SUB1: variants seen among roughly 807,000 people sequenced by gnomAD.
SUB1 encodes activated RNA polymerase II transcriptional coactivator p15.
Under a neutral mutation model 16.9 loss-of-function variants are expected in SUB1, and 1 was observed. The ratio of observed to expected loss-of-function variants is 0.06; its 90% CI spans 0.02 to 0.28. The LOEUF is 0.28. Ranked by LOEUF, SUB1 falls within the 10% of genes least tolerant of loss-of-function variation. The probability of loss-of-function intolerance (pLI) is 1.00; values close to 1 mark genes in which losing one functional copy is unlikely to be tolerated. For missense variants in SUB1, 84 were observed against 145.2 expected, an observed-to-expected ratio of 0.58 and a Z score of 2.16; for synonymous variants, 51 against 46.9, an observed-to-expected ratio of 1.09 and a Z score of -0.36.
chr5:32,600,794 G>A (rs191326705), intron 4 of SUB1, among the ~76,000 whole-genome samples: 248 of 152,084 alleles, frequency 1.6e-3, no homozygotes, highest in Admixed American at 4.3e-3. Context: ...AGTAGAGATG[G>A]GGTTTCACCA....
In SUB1 at chr5:32,603,783, A is replaced by T. The variant is rs1321779147; in HGVS notation, c.*2699A>T. ...ACAGGAGATATGTTAGCAGAATACT[A>T]TAAAAGTTTGAAATTTTTAAAAAGT... On this transcript the variant is annotated 3_prime_UTR_variant, in exon 5 of 5. Transcript: ENST00000265073. 2 of 152,238 alleles carry T rather than the reference A, an allele frequency of 1.3e-5. No individual in the cohort carries two copies. Among genetic ancestry groups the T allele is most frequent in the Non-Finnish European group, 2.9e-5 (2 of 68,026 alleles). The allele number at this position is 152,238 out of a possible 1,614,324, so 9.4% of individuals were successfully genotyped here.
intron 3 of SUB1, chr5:32,594,863 T>G (rs1242345950): frequency 5.6e-6 from 1 of 178,564 alleles, no homozygotes. Context: ...TGGTCCCTGG[T>G]GCCAAAAAGG....
intron 2 of SUB1, among the ~76,000 whole-genome samples, chr5:32,588,867 A>G (rs1738743468): frequency 6.6e-6 from 1 of 152,192 alleles, no homozygotes; most frequent in Admixed American, 6.5e-5. Context: ...TTCTGGAGGT[A>G]CGGTTGGTCT....
intron 3 of SUB1, chr5:32,595,994 A>G (rs1052554677): frequency 6.6e-6 from 1 of 151,790 alleles, no homozygotes; most frequent in Non-Finnish European, 1.5e-5. Flanking sequence ...ATGCCAGGTC[A>G]TTTGAGTTGT....
intron 3 of SUB1, chr5:32,594,493 T>C (rs959387708): frequency 2.3e-5 from 9 of 391,744 alleles, no homozygotes; most frequent in African/African-American, 1.9e-4. Flanking sequence ...TTAAAATGAT[T>C]ATAACTGGTC....
At chr5:32,587,887 G>A (rs924956235) in intron 1 of SUB1, among the ~76,000 whole-genome samples, 29 of 152,176 alleles carry the variant, frequency 1.9e-4, no homozygotes, top group Admixed American at 2.6e-4. Flanking sequence ...GGGATTACAG[G>A]CGTGAACCAT....
intron 3 of SUB1, chr5:32,598,462 C>G (rs1388799136): frequency 6.6e-6 from 1 of 152,254 alleles, no homozygotes; most frequent in Admixed American, 6.5e-5. Context: ...GTGTTTTAAG[C>G]AGATACTTGT....
intron 2 of SUB1, among the ~76,000 whole-genome samples, chr5:32,588,851 G>T (rs1016840211): frequency 1.3e-5 from 2 of 152,094 alleles, no homozygotes; most frequent in Admixed American, 6.5e-5. Flanking sequence ...GAATGTGAAT[G>T]GGTATTTCTG....
At chr5:32,591,070 A>G (rs567044350) in intron 2 of SUB1, among the ~76,000 whole-genome samples, 2 of 152,114 alleles carry the variant, frequency 1.3e-5, no homozygotes, top group South Asian at 2.1e-4. Context: ...CGCCCGGCCC[A>G]TAAATTCCTT....
chr5:32,602,310 G>A lies in SUB1; in HGVS notation c.*1226G>A. 2.3e-6 allele frequency: 1 copy of A among 437,334 alleles called. No individual in the cohort carries two copies. Among genetic ancestry groups the A allele is most frequent in the Admixed American group, 2.6e-5 (1 of 38,484 alleles). 27.1% of individuals were successfully genotyped at this position (437,334 alleles called of 1,614,324 possible). On this transcript the variant is annotated 3_prime_UTR_variant, in exon 5 of 5. Transcript: ENST00000265073. ...ATAACTGAAATTAAAGGAGGCGGCA[G>A]TGAAGAGGAAATAATTCTCTTCTAT...
At chr5:32,587,801 GT>G (rs895452654) in intron 1 of SUB1, among the ~76,000 whole-genome samples, 10 of 152,012 alleles carry the variant, frequency 6.6e-5, no homozygotes, top group African/African-American at 2.4e-4. Flanking sequence ...TGGAGATAGG[GT>G]TTCACCATGT....
At position 32,598,975 on chromosome 5, in the gene SUB1, G is replaced by A; in HGVS notation, c.210G>A (p.Arg70=). ...DDNMFQIGKM[R]YVSVRDFKGK... is the part of the protein sequence containing the mutation. The stretch of plus-strand genomic sequence containing the variant: ...TTCTTTTGCAGATTGGGAAAATGAG[G>A]TACGTTAGTGTTCGCGATTTTAAAG... Residue 70 remains arginine, a synonymous_variant, in exon 4 of 5, where the codon AGG becomes AGA. Transcript: ENST00000265073. The A allele has an allele frequency of 6.2e-7, 1 of 1,612,876 alleles. No homozygotes were observed. Among genetic ancestry groups the A allele is most frequent in the South Asian group, 1.1e-5 (1 of 90,992 alleles).
rs187826324 is a variant in SUB1, at chr5:32,602,925, T to A, written c.*1841T>A. The A allele has an allele frequency of 6.6e-6, 1 of 152,168 alleles. No homozygotes were observed. Among genetic ancestry groups the A allele is most frequent in the Non-Finnish European group, 1.5e-5 (1 of 68,018 alleles). 9.4% of individuals were successfully genotyped at this position (152,168 alleles called of 1,614,324 possible). A position where few individuals can be genotyped will look rare whatever the true frequency, so the allele number is the denominator to read the frequency against. Reference sequence around the variant, plus strand: ...TGGATAGATTTTTAAATATTTCTTATTTTTGGCACACGGAAAGGGTAGTTC... The same window carrying A: ...TGGATAGATTTTTAAATATTTCTTAATTTTGGCACACGGAAAGGGTAGTTC... On this transcript the variant is annotated 3_prime_UTR_variant, in exon 5 of 5. Transcript: ENST00000265073.
In SUB1 at chr5:32,591,570, G is replaced by C. The variant is rs371859790; in HGVS notation, c.80G>C (p.Arg27Thr). Residue 27 changes from arginine (R) to threonine (T), a missense_variant, in exon 3 of 5, where the codon AGG (arginine) becomes ACG (threonine). Coordinates refer to ENST00000265073, the MANE Select transcript of SUB1 (RefSeq NM_006713.4). ...AACCATATTCTTTTCTAGTTAAAGA[G>C]GAAAAAGCAAGTTGCTCCAGAAAAA... ...SDSEVDKKLK[R>T]KKQVAPEKPV... 1.0e-5 allele frequency: 16 copies of C among 1,596,942 alleles called. No individual in the cohort carries two copies. The highest frequency in any genetic ancestry group is 1.8e-5 in the Admixed American group (1 of 55,614).
At chr5:32,588,868 C>T (rs184786061) in intron 2 of SUB1, among the ~76,000 whole-genome samples, 65 of 152,180 alleles carry the variant, frequency 4.3e-4, no homozygotes, top group Non-Finnish European at 8.1e-4. Context: ...TCTGGAGGTA[C>T]GGTTGGTCTC....
intron 2 of SUB1, among the ~76,000 whole-genome samples, chr5:32,589,364 GGT>G (rs199513077): frequency 0.013 from 1,957 of 152,324 alleles, 16 homozygotes; most frequent in Non-Finnish European, 0.021. Context: ...TGGGATTACA[GGT>G]GTGAGCCATC....
chr5:32,592,355 A>C (rs1196590466), intron 3 of SUB1, among the ~76,000 whole-genome samples: 1 of 152,130 alleles, frequency 6.6e-6, no homozygotes, highest in Non-Finnish European at 1.5e-5. Context: ...TGAGCAACAG[A>C]AAAGGGGAAT....
At chr5:32,588,095 T>C (rs929373367) in intron 1 of SUB1, among the ~76,000 whole-genome samples, 1 of 118,834 alleles carries the variant, frequency 8.4e-6, no homozygotes, top group Non-Finnish European at 1.5e-5. Flanking sequence ...AATTTTACGT[T>C]AGTTCCAATC....
At chr5:32,591,469 T>C in intron 2 of SUB1, 94 bp from the exon 3 acceptor site, 3 of 1,430,762 alleles carry the variant, frequency 2.1e-6, no homozygotes, top group Non-Finnish European at 2.8e-6. Flanking sequence ...ATGTAGTCTT[T>C]TGATTGTTTA....
Sources: gnomAD v4.1 joint callset for allele counts (sites outside exome capture counted in the v4.1 genomes callset) on GRCh38, gnomAD v4.1.1 for gene constraint, MANE v1.5 for transcripts, NCBI Gene and HGNC (gene_info 2026-07-23, HGNC 2026-07-21) for gene names.